ZNF865: variants seen among roughly 807,000 people sequenced by gnomAD.
ZNF865 encodes zinc finger protein 865.
For synonymous variants in ZNF865, 763 were observed against 750.8 expected (o/e 1.02, Z -0.27); for missense variants, 1,311 against 1,593.4 (o/e 0.82, Z 3.02).
rs969412773 is a variant in ZNF865, at chr19:55,613,852, C to T, written c.234C>T (p.Asp78=). 2.3e-6 allele frequency: 3 copies of T among 1,316,452 alleles called. No individual in the cohort carries two copies. In the East Asian group the frequency reaches 1.1e-4, roughly 48 times the overall value. The allele number at this position is 1,316,452 out of a possible 1,614,324, so 81.5% of individuals were successfully genotyped here. Residue 78 remains aspartate (D), a synonymous_variant, in exon 2 of 2, where the codon GAC becomes GAT. Transcript: ENST00000568956. ...PPPQPPPPQY[D]YPPQSTFKPK... is the part of the protein sequence containing the mutation. Reference sequence around the variant, plus strand: ...CGCAGCCCCCTCCCCCGCAGTATGACTACCCGCCCCAGTCCACCTTCAAGC... The same window carrying T: ...CGCAGCCCCCTCCCCCGCAGTATGATTACCCGCCCCAGTCCACCTTCAAGC...
At position 55,616,126 on chromosome 19, in the gene ZNF865, C is replaced by A; in HGVS notation, c.2508C>A (p.Leu836=). ...GQSFAGAYDL[L]LHRRSHRQKR... is the part of the protein sequence containing the mutation. Reference sequence around the variant, plus strand: ...GCTTCGCGGGCGCCTACGACTTGCTCCTACACCGCCGCAGCCATCGGCAGA... The same window carrying A: ...GCTTCGCGGGCGCCTACGACTTGCTACTACACCGCCGCAGCCATCGGCAGA... The change falls in exon 2 of 2, where the codon CTC becomes CTA. Residue 836 remains leucine (L), a synonymous_variant. Transcript: ENST00000568956. 1 of 1,494,742 alleles carries A rather than the reference C, an allele frequency of 6.7e-7. No homozygotes were observed. Among genetic ancestry groups the A allele is most frequent in the South Asian group, 1.3e-5 (1 of 79,654 alleles). 92.6% of individuals were successfully genotyped at this position (1,494,742 alleles called of 1,614,324 possible). A position where few individuals can be genotyped will look rare whatever the true frequency, so the allele number is the denominator to read the frequency against.
At chr19:55,607,266 C>T (rs1056592261) in intron 1 of ZNF865, among the ~76,000 whole-genome samples, 1 of 152,004 alleles carries the variant, frequency 6.6e-6, no homozygotes, top group Non-Finnish European at 1.5e-5. Flanking sequence ...TCCCTGTCCT[C>T]ATGGAGTGGA....
intron 1 of ZNF865, among the ~76,000 whole-genome samples, chr19:55,607,272 G>A (rs1023432084): frequency 6.6e-6 from 1 of 152,120 alleles, no homozygotes; most frequent in Non-Finnish European, 1.5e-5. Flanking sequence ...TCCTCATGGA[G>A]TGGATATGCT....
In ZNF865 at chr19:55,615,339, G is replaced by A; in HGVS notation, c.1721G>A (p.Gly574Asp). Residue 574 changes from glycine to aspartate, a missense_variant, in exon 2 of 2, where the codon GGC becomes GAC. Coordinates refer to ENST00000568956, the MANE Select transcript of ZNF865 (RefSeq NM_001195605.2). ...AAGCGCCATGAGCGCATCCACACGG[G>A]CGAGAAGCCCCACCAGTGCCCCGTG... ...TLKRHERIHT[G>D]EKPHQCPVCG... 2.0e-6 allele frequency: 3 copies of A among 1,519,526 alleles called. No individual in the cohort carries two copies. The highest frequency in any genetic ancestry group is 2.6e-6 in the Non-Finnish European group (3 of 1,140,652). 94.1% of individuals were successfully genotyped at this position (1,519,526 alleles called of 1,614,324 possible). A position where few individuals can be genotyped will look rare whatever the true frequency, so the allele number is the denominator to read the frequency against.
At chr19:55,606,704 G>T (rs896109828) in intron 1 of ZNF865, among the ~76,000 whole-genome samples, 2 of 152,190 alleles carry the variant, frequency 1.3e-5, no homozygotes, top group Non-Finnish European at 2.9e-5. Context: ...TTCTTTTCTC[G>T]TAGGCATTCC....
At position 55,616,688 on chromosome 19, in the gene ZNF865, G is replaced by A. The variant is rs1485627496; in HGVS notation, c.3070G>A (p.Glu1024Lys). The change falls in exon 2 of 2, where the codon GAG (glutamate) becomes AAG (lysine). Residue 1024 changes from glutamate to lysine, a missense_variant. Physicochemically the swap from Glu to Lys is moderately conservative, Grantham distance 56. Coordinates refer to ENST00000568956, the MANE Select transcript of ZNF865 (RefSeq NM_001195605.2). ...GCCCTTCCGCTGCTCCTCCTGCGGC[G>A]AGGGCTTCGCCAACACCTACGGCCT... ...GRPFRCSSCG[E>K]GFANTYGLKK... 5.2e-6 allele frequency: 8 copies of A among 1,529,838 alleles called. No homozygotes were observed. The Admixed American group carries it at 1.0e-4, about 19-fold the overall frequency. 94.8% of individuals were successfully genotyped at this position (1,529,838 alleles called of 1,614,324 possible).
rs375898663 is a variant in ZNF865 at position 55,615,706 on chromosome 19, A to T, written c.2088A>T (p.Pro696=). 1 of 1,533,998 alleles carries T rather than the reference A, an allele frequency of 6.5e-7. No individual in the cohort carries two copies. Among genetic ancestry groups the T allele is most frequent in the East Asian group, 2.5e-5 (1 of 40,766 alleles). ...AGGAGGTCCACATGGCAGAGAAGCC[A>T]TACGGCTGCGACGCCTGCGGCAAGA... ...SHKEVHMAEK[P]YGCDACGKTF... is the part of the protein sequence containing the mutation. Residue 696 remains proline, a synonymous_variant, in exon 2 of 2, where the codon CCA becomes CCT. Transcript: ENST00000568956.
At chr19:55,609,021 A>AGTTT (rs1044567680) in intron 1 of ZNF865, among the ~76,000 whole-genome samples, 1 of 151,950 alleles carries the variant, frequency 6.6e-6, no homozygotes, top group African/African-American at 2.4e-5. Flanking sequence ...TGACTTTAGA[A>AGTTT]GTTTGTTTGT....
In ZNF865 at chr19:55,611,661, A is replaced by G. The variant is rs1355129276; in HGVS notation, c.-26-1932A>G. Among the ~76,000 whole-genome samples, 1 of 152,110 alleles carries G rather than the reference A, an allele frequency of 6.6e-6. No individual in the cohort carries two copies. Among genetic ancestry groups the G allele is most frequent in the Non-Finnish European group, 1.5e-5 (1 of 68,024 alleles). On this transcript the variant is annotated intron_variant, in intron 1 of 1. Coordinates refer to ENST00000568956, the MANE Select transcript of ZNF865 (RefSeq NM_001195605.2). The surrounding 1 kb of genome is among the most constrained non-coding windows in gnomAD (Gnocchi z 4.5). ...TCACCCCTCACCTGTGGGAGGAGAG[A>G]GCAGCCCGATGGATAGAGGATAAAG...
chr19:55,609,084 C>T (rs971197854), intron 1 of ZNF865, among the ~76,000 whole-genome samples: 20 of 152,108 alleles, frequency 1.3e-4, no homozygotes, highest in African/African-American at 2.2e-4. Context: ...AGTGCAGTGG[C>T]GTGAGCTCAC....
At position 55,611,440 on chromosome 19, in the gene ZNF865, C is replaced by T. The variant is rs1416646763; in HGVS notation, c.-26-2153C>T. Among the ~76,000 whole-genome samples the T allele has an allele frequency of 8.5e-5, 13 of 152,148 alleles. No individual in the cohort carries two copies. Among genetic ancestry groups the T allele is most frequent in the Admixed American group, 7.9e-4 (12 of 15,274 alleles). On this transcript the variant is annotated intron_variant, in intron 1 of 1. Transcript: ENST00000568956. This position sits in a 1 kb window ranked among gnomAD's most constrained non-coding sequence, Gnocchi z 4.5. The stretch of plus-strand genomic sequence containing the variant: ...AGTCAGCCCCCTCCAGAGCTGTCTC[C>T]CCAACTTAGGTTCCACCTACAGCCT...
At position 55,616,042 on chromosome 19, in the gene ZNF865, G is replaced by A; in HGVS notation, c.2424G>A (p.Val808=). The A allele has an allele frequency of 4.6e-6, 7 of 1,524,882 alleles. No individual in the cohort carries two copies. Among genetic ancestry groups the A allele is most frequent in the South Asian group, 2.4e-5 (2 of 82,990 alleles). 94.5% of individuals were successfully genotyped at this position (1,524,882 alleles called of 1,614,324 possible). A position where few individuals can be genotyped will look rare whatever the true frequency, so the allele number is the denominator to read the frequency against. The change falls in exon 2 of 2, where the codon GTG becomes GTA. Residue 808 remains valine, a synonymous_variant. Coordinates refer to ENST00000568956, the MANE Select transcript of ZNF865 (RefSeq NM_001195605.2). The part of the protein sequence containing the change: ...GQSFKHFLGL[V]THKYVHLVRR... Reference sequence around the variant, plus strand: ...GTTTCAAGCACTTCCTGGGCCTCGTGACTCACAAGTACGTGCACCTGGTGC... The same window carrying A: ...GTTTCAAGCACTTCCTGGGCCTCGTAACTCACAAGTACGTGCACCTGGTGC...
chr19:55,613,960 T>A lies in ZNF865; in HGVS notation c.342T>A (p.Ser114=), dbSNP rs1341453489. 3.3e-6 allele frequency: 5 copies of A among 1,531,158 alleles called. No individual in the cohort carries two copies. The highest frequency in any genetic ancestry group is 4.4e-6 in the Non-Finnish European group (5 of 1,144,506). The allele number at this position is 1,531,158 out of a possible 1,614,324, so 94.8% of individuals were successfully genotyped here. The change falls in exon 2 of 2, where the codon TCT becomes TCA. Residue 114 remains serine (S), a synonymous_variant. Coordinates refer to ENST00000568956, the MANE Select transcript of ZNF865 (RefSeq NM_001195605.2). The part of the protein sequence containing the change: ...SSSSSSSSSS[S]SSSQAKKPDP... ...CCTCCTCGTCGTCATCTTCGTCCTCTTCCTCTTCCCAAGCCAAGAAGCCCG... is the reference window on the plus strand; with the variant it reads ...CCTCCTCGTCGTCATCTTCGTCCTCATCCTCTTCCCAAGCCAAGAAGCCCG...
In ZNF865 at chr19:55,614,478, C is replaced by A; in HGVS notation, c.860C>A (p.Pro287His). 7.3e-7 allele frequency: 1 copy of A among 1,373,222 alleles called. No individual in the cohort carries two copies. The highest frequency in any genetic ancestry group is 9.4e-7 in the Non-Finnish European group (1 of 1,065,954). 85.1% of individuals were successfully genotyped at this position (1,373,222 alleles called of 1,614,324 possible). Residue 287 changes from proline (P) to histidine (H), a missense_variant, in exon 2 of 2, where the codon CCC becomes CAC. By Grantham distance (77) the Pro-to-His change is moderately conservative. Coordinates refer to ENST00000568956, the MANE Select transcript of ZNF865 (RefSeq NM_001195605.2). This position sits in a 1 kb window ranked among gnomAD's most constrained non-coding sequence, Gnocchi z 8.0. ...CCGGCCGCGGGGGGCCCGCCCCAGC[C>A]CGGCCCCCACCTCCCGCCGCTGGGC... ...VPPAAGGPPQ[P>H]GPHLPPLGLP... is the part of the protein sequence containing the mutation.
In ZNF865 at chr19:55,615,106, C is replaced by T. The variant is rs1297777922; in HGVS notation, c.1488C>T (p.Pro496=). 5.0e-6 allele frequency: 6 copies of T among 1,203,956 alleles called. No individual in the cohort carries two copies. In the African/African-American group the frequency reaches 9.8e-5, roughly 20 times the overall value. The allele number at this position is 1,203,956 out of a possible 1,614,324, so 74.6% of individuals were successfully genotyped here. ...CCCCGGGCCCGTACCTCCTGCCCCC[C>T]GACCCTCCCACCACAGACAGCGAGA... ...TFPPGPYLLP[P]DPPTTDSEKA... Residue 496 remains proline (P), a synonymous_variant, in exon 2 of 2, where the codon CCC becomes CCT. Transcript: ENST00000568956.
At chr19:55,610,738 C>T (rs752312366) in intron 1 of ZNF865, among the ~76,000 whole-genome samples, 1 of 152,210 alleles carries the variant, frequency 6.6e-6, no homozygotes, top group South Asian at 2.1e-4. Flanking sequence ...TAGAGAGGGG[C>T]CAAACAGTAA....
At chr19:55,606,474 C>A (rs1354420259) in intron 1 of ZNF865, among the ~76,000 whole-genome samples, 2 of 152,192 alleles carry the variant, frequency 1.3e-5, no homozygotes, top group South Asian at 4.1e-4. Flanking sequence ...ACTCCCGTAC[C>A]TCCTCTCACC....
Position 55,616,849 on chromosome 19 carries a change from C to T in ZNF865, c.*51C>T, listed in dbSNP as rs757263444. On this transcript the variant is annotated 3_prime_UTR_variant, in exon 2 of 2. Coordinates refer to ENST00000568956, the MANE Select transcript of ZNF865 (RefSeq NM_001195605.2). ...TCAAAAGCCCCCTTCTGGACTCCCA[C>T]CTCCCAGGACTGATCAGACTCTTCC... 115 of 1,409,158 alleles carry T rather than the reference C, an allele frequency of 8.2e-5. 1 individual carries two copies. The highest frequency in any genetic ancestry group is 9.9e-5 in the Non-Finnish European group (107 of 1,082,490). The allele number at this position is 1,409,158 out of a possible 1,614,324, so 87.3% of individuals were successfully genotyped here.
In ZNF865 at chr19:55,616,609, C is replaced by T; in HGVS notation, c.2991C>T (p.Ala997=). 6.6e-7 allele frequency: 1 copy of T among 1,526,208 alleles called. No homozygotes were observed. The highest frequency in any genetic ancestry group is 8.8e-7 in the Non-Finnish European group (1 of 1,142,106). 94.5% of individuals were successfully genotyped at this position (1,526,208 alleles called of 1,614,324 possible). A position where few individuals can be genotyped will look rare whatever the true frequency, so the allele number is the denominator to read the frequency against. ...PELRCPACLK[A]FKDPGYFRKH... ...TCCGCTGCCCCGCCTGCCTCAAGGC[C>T]TTCAAGGATCCCGGCTACTTCCGTA... Residue 997 remains alanine, a synonymous_variant, in exon 2 of 2, where the codon GCC becomes GCT. Transcript: ENST00000568956.
Sources: gnomAD v4.1 joint callset for allele counts (sites outside exome capture counted in the v4.1 genomes callset) on GRCh38, gnomAD v4.1.1 for gene constraint, Gnocchi (gnomAD v3.1) non-coding constraint, MANE v1.5 for transcripts, NCBI Gene and HGNC (gene_info 2026-07-23, HGNC 2026-07-21) for gene names.